The following RB1 variants were observed in gnomAD, a reference collection of about 807,000 sequenced individuals.
RB1 encodes the protein retinoblastoma-associated protein.
In RB1, 18 loss-of-function variants were observed where a neutral mutation model predicts 135.4. The ratio of observed to expected loss-of-function variants is 0.13; its 90% confidence interval spans 0.09 to 0.20. RB1 has a LOEUF of 0.20. Ranked by LOEUF, RB1 falls within the 10% of genes least tolerant of loss-of-function variation. The probability of loss-of-function intolerance (pLI) is 1.00; values close to 1 mark genes in which losing one functional copy is unlikely to be tolerated. For missense variants in RB1, 868 were observed against 1,110.0 expected (o/e 0.78, Z 3.10); for synonymous variants, 365 against 373.2 (o/e 0.98, Z 0.25).
intron 9 of RB1, among the ~76,000 whole-genome samples, chr13:48,366,150 C>T (rs4151496): frequency 0.024 from 3,621 of 152,100 alleles, 155 homozygotes; most frequent in African/African-American, 0.083. Context: ...CAAGAAGGGA[C>T]CAAATGTTAT....
rs2138131705 is a variant in RB1 at position 48,373,623 on chromosome 13, T to A, written c.1215+131T>A. On this transcript the variant is annotated intron_variant, in intron 12 of 26. Coordinates refer to ENST00000267163, the MANE Select transcript of RB1 (RefSeq NM_000321.3). ...CATGTAGTTATCCATAATCTTTTCT[T>A]GCTTTTTTAATCTTACAAATTATAT... The A allele has an allele frequency of 6.6e-6, 4 of 604,206 alleles. No homozygotes were observed. The East Asian group carries it at 1.1e-4, about 17-fold the overall frequency. 37.4% of individuals were successfully genotyped at this position (604,206 alleles called of 1,614,324 possible).
intron 16 of RB1, 151 bp from the exon 17 acceptor site, chr13:48,381,096 G>A: frequency 9.7e-7 from 1 of 1,027,144 alleles, no homozygotes; most frequent in Non-Finnish European, 1.3e-6. Context: ...TATTTCCTAT[G>A]AGTCCGTAGA....
At chr13:48,447,711 CAG>C (rs1949298449) in intron 17 of RB1, among the ~76,000 whole-genome samples, 1 of 152,214 alleles carries the variant, frequency 6.6e-6, no homozygotes, top group Middle Eastern at 3.4e-3. Context: ...ACTGTGGCTC[CAG>C]AGTTTGTGCT....
intron 6 of RB1, among the ~76,000 whole-genome samples, chr13:48,357,450 T>G: frequency 6.6e-6 from 1 of 152,232 alleles, no homozygotes; most frequent in Admixed American, 6.6e-5. Flanking sequence ...TATGATACAT[T>G]TTTATTGAAT....
At chr13:48,364,139 G>A (rs1351525773) in intron 8 of RB1, among the ~76,000 whole-genome samples, 1 of 152,128 alleles carries the variant, frequency 6.6e-6, no homozygotes, top group Admixed American at 6.5e-5. Context: ...GGTTTGAATT[G>A]CATGGGTCCG....
chr13:48,415,999 C>T (rs1948901883), intron 17 of RB1, among the ~76,000 whole-genome samples: 1 of 152,156 alleles, frequency 6.6e-6, no homozygotes, highest in Non-Finnish European at 1.5e-5. Flanking sequence ...TTAATAGATA[C>T]TTTTGTATTT....
chr13:48,464,197 T>G lies in RB1; in HGVS notation c.2211+362T>G, dbSNP rs181744187. 6.1e-4 allele frequency among the ~76,000 whole-genome samples: 93 copies of G among 152,312 alleles called. 1 individual carries two copies. The highest frequency in any genetic ancestry group is 2.2e-3 in the African/African-American group (93 of 41,590). ...GCCAGTATAAATGCAGCCTTGCAAATCAATAATACAAATGTTCAGTATAAA... is the reference window on the plus strand; with the variant it reads ...GCCAGTATAAATGCAGCCTTGCAAAGCAATAATACAAATGTTCAGTATAAA... On this transcript the variant is annotated intron_variant, in intron 21 of 26. Transcript: ENST00000267163.
chr13:48,308,987 A>G (rs772649783), intron 2 of RB1, among the ~76,000 whole-genome samples: 14 of 152,122 alleles, frequency 9.2e-5, no homozygotes, highest in Non-Finnish European at 1.8e-4. Flanking sequence ...TATTTTAGCT[A>G]GTGGATGTAT....
rs1222258505 is a variant in RB1, at chr13:48,480,468, T to C, written c.*397T>C. ...TTGCTCTTGTTTTTATTAATTTATA[T>C]GTATATTTTTTTAATTTAACATGAA... On this transcript the variant is annotated 3_prime_UTR_variant, in exon 27 of 27. Coordinates refer to ENST00000267163, the MANE Select transcript of RB1 (RefSeq NM_000321.3). 8.4e-6 allele frequency: 2 copies of C among 237,520 alleles called. No individual in the cohort carries two copies. The highest frequency in any genetic ancestry group is 5.3e-5 in the Admixed American group (1 of 18,694). 14.7% of individuals were successfully genotyped at this position (237,520 alleles called of 1,614,324 possible). A position where few individuals can be genotyped will look rare whatever the true frequency, so the allele number is the denominator to read the frequency against.
chr13:48,399,534 A>G (rs1190896998), intron 17 of RB1, among the ~76,000 whole-genome samples: 1 of 152,038 alleles, frequency 6.6e-6, no homozygotes, highest in Non-Finnish European at 1.5e-5. Context: ...TTAAAGATCT[A>G]GGAATATAAG....
chr13:48,377,809 T>C (rs910365974), intron 13 of RB1, among the ~76,000 whole-genome samples: 1 of 152,208 alleles, frequency 6.6e-6, no homozygotes, highest in Non-Finnish European at 1.5e-5. Context: ...CAAACCTAGA[T>C]GGTATAGCCG....
chr13:48,477,423 T>C lies in RB1; in HGVS notation c.2713+19T>C. On this transcript the variant is annotated intron_variant, in intron 26 of 26. Coordinates refer to ENST00000267163, the MANE Select transcript of RB1 (RefSeq NM_000321.3). ...GAAATGAGTAAGTACTTTTTTCACC[T>C]TGTGTAAATGAAATAAACAATTGTT... The C allele has an allele frequency of 6.3e-7, 1 of 1,578,360 alleles. No homozygotes were observed. The highest frequency in any genetic ancestry group is 2.2e-5 in the East Asian group (1 of 44,570).
intron 2 of RB1, among the ~76,000 whole-genome samples, chr13:48,336,433 A>G (rs998042508): frequency 1.3e-4 from 20 of 152,130 alleles, no homozygotes; most frequent in African/African-American, 4.6e-4. Context: ...TGTGTCCAGG[A>G]ATTTATCCAT....
At chr13:48,318,394 T>C in intron 2 of RB1, 1 of 1,500,680 alleles carries the variant, frequency 6.7e-7, no homozygotes, top group South Asian at 1.2e-5. Context: ...CTTAAGTCCT[T>C]GATGGCCGTG....
Position 48,459,753 on chromosome 13 carries a change from T to G in RB1, c.2026T>G (p.Leu676Val). 4 of 1,613,814 alleles carry G rather than the reference T, an allele frequency of 2.5e-6. No individual in the cohort carries two copies. The highest frequency in any genetic ancestry group is 2.5e-6 in the Non-Finnish European group (3 of 1,179,828). ...CERLLSEHPE[L>V]EHIIWTLFQH... Reference sequence around the variant, plus strand: ...ACGCCTTCTGTCTGAGCACCCAGAATTAGAACATATCATCTGGACCCTTTT... The same window carrying G: ...ACGCCTTCTGTCTGAGCACCCAGAAGTAGAACATATCATCTGGACCCTTTT... Residue 676 changes from leucine to valine, a missense_variant, in exon 20 of 27, where the codon TTA (leucine) becomes GTA (valine). By Grantham distance (32) the Leu-to-Val change is conservative (BLOSUM62 1). Around this residue, in one of 3 missense-constraint regions of RB1, gnomAD observed 31 missense variants for 78.9 expected, o/e 0.39. Coordinates refer to ENST00000267163, the MANE Select transcript of RB1 (RefSeq NM_000321.3).
chr13:48,463,974 C>G, intron 21 of RB1, 139 bp downstream of exon 21: 3 of 572,012 alleles, frequency 5.2e-6, no homozygotes, highest in Non-Finnish European at 9.3e-6. Context: ...CAAATAAAAA[C>G]TTTTATATTA....
At chr13:48,450,401 C>A (rs1949319515) in intron 17 of RB1, among the ~76,000 whole-genome samples, 1 of 152,044 alleles carries the variant, frequency 6.6e-6, no homozygotes, top group Non-Finnish European at 1.5e-5. Context: ...TTATTTAGGA[C>A]CATTTATTTA....
chr13:48,361,989 C>T (rs1479349468), intron 7 of RB1, among the ~76,000 whole-genome samples: 1 of 150,814 alleles, frequency 6.6e-6, no homozygotes, highest in African/African-American at 2.4e-5. Context: ...CTCTGTCGCC[C>T]AGGCCTGGAG....
At chr13:48,339,678 T>G (rs1318164971) in intron 2 of RB1, among the ~76,000 whole-genome samples, 2 of 152,180 alleles carry the variant, frequency 1.3e-5, no homozygotes, top group African/African-American at 2.4e-5. Context: ...GCACTCACTT[T>G]CCTGCACCCA....
Sources: allele counts gnomAD v4.1 joint callset (sites outside exome capture counted in the v4.1 genomes callset), GRCh38; gene constraint gnomAD v4.1.1; regional missense constraint gnomAD v4.1.1; transcripts MANE v1.5; gene names NCBI Gene and HGNC (gene_info 2026-07-23, HGNC 2026-07-21).